The following RGS20 variants were observed in gnomAD, a reference collection of about 807,000 sequenced individuals.
RGS20 encodes gz-selective GTPase-activating protein.
In RGS20, 30 loss-of-function variants were observed where a neutral mutation model predicts 33.6. The ratio of observed to expected loss-of-function variants is 0.89; its 90% confidence interval spans 0.67 to 1.21. RGS20 has a LOEUF of 1.21. Ranked by LOEUF, RGS20 falls within the 50% of genes most tolerant of loss-of-function variation. RGS20 has a pLI of 0.00. For missense variants in RGS20, 472 were observed against 502.4 expected (o/e 0.94, Z 0.58); for synonymous variants, 208 against 197.9 (o/e 1.05, Z -0.43).
At chr8:53,897,778 C>T (rs2129279607) in intron 2 of RGS20, among the ~76,000 whole-genome samples, 1 of 152,318 alleles carries the variant, frequency 6.6e-6, no homozygotes, top group African/African-American at 2.4e-5. Flanking sequence ...TTTCTGCAAA[C>T]TAGAGGTTAG....
At chr8:53,892,074 T>C (rs1037070133) in intron 2 of RGS20, among the ~76,000 whole-genome samples, 9 of 152,126 alleles carry the variant, frequency 5.9e-5, no homozygotes, top group African/African-American at 2.2e-4. Context: ...CGGAGTGTGA[T>C]GTTCCCCTTC....
intron 2 of RGS20, among the ~76,000 whole-genome samples, chr8:53,883,025 CTATCTG>C (rs1023977645): frequency 2.2e-4 from 33 of 152,348 alleles, no homozygotes; most frequent in South Asian, 1.2e-3. Context: ...TGAAATTACT[CTATCTG>C]TAAGTTTTTT....
At chr8:53,875,989 T>C (rs1467774070) in intron 1 of RGS20, among the ~76,000 whole-genome samples, 2 of 152,242 alleles carry the variant, frequency 1.3e-5, no homozygotes, top group Admixed American at 1.3e-4. Context: ...GATTTGCCTT[T>C]ATAGTTTTCA....
chr8:53,869,244 T>A (rs989289744), intron 1 of RGS20, among the ~76,000 whole-genome samples: 13 of 152,214 alleles, frequency 8.5e-5, no homozygotes, highest in Non-Finnish European at 1.6e-4. Flanking sequence ...TTCTTTTTAG[T>A]TAGCTAGCAA....
rs529623127 is a variant in RGS20, at chr8:53,886,171, T to A, written c.510+6569T>A. Among the ~76,000 whole-genome samples the A allele has an allele frequency of 2.0e-3, 303 of 152,322 alleles. 1 individual carries two copies. Among genetic ancestry groups the A allele is most frequent in the Non-Finnish European group, 3.3e-3 (222 of 68,030 alleles). Reference sequence around the variant, plus strand: ...AGTACAATAAGTGGGAGTCACTGACTACACGGCACCATCTGAGATGGTCCC... The same window carrying A: ...AGTACAATAAGTGGGAGTCACTGACAACACGGCACCATCTGAGATGGTCCC... On this transcript the variant is annotated intron_variant, in intron 2 of 5. Coordinates refer to ENST00000297313, the MANE Select transcript of RGS20 (RefSeq NM_170587.4).
Position 53,877,822 on chromosome 8 carries a change from G to T in RGS20, c.166-1436G>T, listed in dbSNP as rs557382374. ...AGACAAATCAGCCACCGCACTCGCG[G>T]CTTCCCAGAAAGGGCCTCATGAATG... On this transcript the variant is annotated intron_variant, in intron 1 of 5. Transcript: ENST00000297313. The surrounding 1 kb of genome is among the most constrained non-coding windows in gnomAD (Gnocchi z 5.7). Among the ~76,000 whole-genome samples, 1 of 152,360 alleles carries T rather than the reference G, an allele frequency of 6.6e-6. No homozygotes were observed. Among genetic ancestry groups the T allele is most frequent in the South Asian group, 2.1e-4 (1 of 4,828 alleles).
rs1585972245 is a variant in RGS20 at position 53,958,744 on chromosome 8, G to A, written c.*286G>A. ...TGTTGTCAGTGGCCAAGGCTACACA[G>A]AAGGCTCCCTGCTGCCCGGAGCAGG... is the stretch of plus-strand genomic sequence containing the variant. On this transcript the variant is annotated 3_prime_UTR_variant, in exon 6 of 6. Coordinates refer to ENST00000297313, the MANE Select transcript of RGS20 (RefSeq NM_170587.4). 1 of 168,958 alleles carries A rather than the reference G, an allele frequency of 5.9e-6. No homozygotes were observed. The highest frequency in any genetic ancestry group is 1.5e-4 in the East Asian group (1 of 6,496). 10.5% of individuals were successfully genotyped at this position (168,958 alleles called of 1,614,324 possible).
At chr8:53,908,640 C>CAA (rs71254928) in intron 2 of RGS20, among the ~76,000 whole-genome samples, 49 of 144,072 alleles carry the variant, frequency 3.4e-4, no homozygotes, top group Non-Finnish European at 4.4e-4. Flanking sequence ...AACTCCATCT[C>CAA]AAAAAAAAAA....
intron 5 of RGS20, among the ~76,000 whole-genome samples, chr8:53,958,005 G>A (rs1814922983): frequency 6.6e-6 from 1 of 152,002 alleles, no homozygotes; most frequent in South Asian, 2.1e-4. Context: ...GTGTGGTGGT[G>A]GGTGCCTGTA....
chr8:53,856,345 A>G (rs907386773), intron 1 of RGS20, among the ~76,000 whole-genome samples: 1 of 151,480 alleles, frequency 6.6e-6, no homozygotes, highest in Non-Finnish European at 1.5e-5. Context: ...CCTCCCAACT[A>G]GCTGGGACTA....
chr8:53,901,156 C>T (rs1038258896), intron 2 of RGS20, among the ~76,000 whole-genome samples: 2 of 151,380 alleles, frequency 1.3e-5, no homozygotes, highest in African/African-American at 4.9e-5. Flanking sequence ...CAACCTCCGC[C>T]TTGCAAGTTC....
At chr8:53,855,602 C>G (rs1585856061) in intron 1 of RGS20, among the ~76,000 whole-genome samples, 1 of 152,270 alleles carries the variant, frequency 6.6e-6, no homozygotes, top group East Asian at 1.9e-4. Flanking sequence ...TGAGTGAACT[C>G]TGAAGAAGCT....
chr8:53,890,450 C>T (rs1812682769), intron 2 of RGS20, among the ~76,000 whole-genome samples: 2 of 152,146 alleles, frequency 1.3e-5, no homozygotes, highest in South Asian at 4.1e-4. Context: ...TATCTCTCTT[C>T]ACATATCTAG....
chr8:53,906,119 C>CA (rs1035827645), intron 2 of RGS20, among the ~76,000 whole-genome samples: 1 of 152,078 alleles, frequency 6.6e-6, no homozygotes, highest in Non-Finnish European at 1.5e-5. Context: ...GAGGATCCTA[C>CA]AAAAAACTCA....
intron 1 of RGS20, chr8:53,852,149 T>G: frequency 4.9e-6 from 6 of 1,225,830 alleles, no homozygotes; most frequent in Non-Finnish European, 6.7e-6. Flanking sequence ...ACTCAAGCTT[T>G]AGTGCCATTG....
chr8:53,879,989 C>T, intron 2 of RGS20: 3 of 223,420 alleles, frequency 1.3e-5, no homozygotes, highest in East Asian at 9.3e-5. Context: ...CACTCCCCTG[C>T]CCTCTCGGCA....
At chr8:53,872,420 C>A (rs886405480) in intron 1 of RGS20, among the ~76,000 whole-genome samples, 44 of 152,166 alleles carry the variant, frequency 2.9e-4, no homozygotes, top group African/African-American at 9.2e-4. Context: ...CTTATTCAGG[C>A]TATATGGACC....
At chr8:53,909,653 T>C (rs540891947) in intron 2 of RGS20, among the ~76,000 whole-genome samples, 107 of 152,304 alleles carry the variant, frequency 7.0e-4, no homozygotes, top group African/African-American at 2.5e-3. Context: ...TTAATGTTCC[T>C]ATGGCAGAAT....
intron 2 of RGS20, among the ~76,000 whole-genome samples, chr8:53,929,603 G>T (rs1173786335): frequency 6.6e-6 from 1 of 152,214 alleles, no homozygotes; most frequent in Admixed American, 6.5e-5. Context: ...AAAAGGTGGA[G>T]GTTGCAGTGA....
Sources: gnomAD v4.1 joint callset for allele counts (sites outside exome capture counted in the v4.1 genomes callset) on GRCh38, gnomAD v4.1.1 for gene constraint, Gnocchi (gnomAD v3.1) non-coding constraint, MANE v1.5 for transcripts, NCBI Gene and HGNC (gene_info 2026-07-23, HGNC 2026-07-21) for gene names.